The following SLAMF1 variants were observed in gnomAD, a reference collection of about 807,000 sequenced individuals.
SLAMF1 encodes signaling lymphocytic activation molecule.
Under a neutral mutation model 35.1 loss-of-function variants are expected in SLAMF1, and 18 were observed. That is an observed-to-expected ratio of 0.51 (90% CI 0.35 to 0.76). The LOEUF is 0.76. SLAMF1 is among the 30% of genes least tolerant of loss of function. SLAMF1 has a pLI of 0.01. For missense variants in SLAMF1, 392 were observed against 413.0 expected, an observed-to-expected ratio of 0.95 and a Z score of 0.44; for synonymous variants, 168 against 157.2, an observed-to-expected ratio of 1.07 and a Z score of -0.51.
chr1:160,610,796 T>G lies in SLAMF1; in HGVS notation c.960A>C (p.Glu320Asp). 1 of 1,611,324 alleles carries G rather than the reference T, an allele frequency of 6.2e-7. No homozygotes were observed. The change falls in exon 7 of 7, where the codon GAA becomes GAC. Residue 320 changes from glutamate to aspartate, a missense_variant and splice_region_variant. By Grantham distance (45) the Glu-to-Asp change is conservative. Coordinates refer to ENST00000302035, the MANE Select transcript of SLAMF1 (RefSeq NM_003037.5). ...TAGCATAGACTGTGATGGAATTTGT[T>G]TCCTGGGGACAAAGCAGAAGTCTGT... ...ATEPVPESVQ[E>D]TNSITVYASV...
chr1:160,642,646 A>G lies in SLAMF1; in HGVS notation c.76+4224T>C, dbSNP rs1357671345. On this transcript the variant is annotated intron_variant, in intron 1 of 6. Coordinates refer to ENST00000302035, the MANE Select transcript of SLAMF1 (RefSeq NM_003037.5). The surrounding 1 kb of genome is among the most constrained non-coding windows in gnomAD (Gnocchi z 4.2). Reference sequence around the variant, plus strand: ...ATGAATGAAAAATGAGCAAATGACAACACAGAGTCCAAGTTCTCCTCCCTC... The same window carrying G: ...ATGAATGAAAAATGAGCAAATGACAGCACAGAGTCCAAGTTCTCCTCCCTC... 6.6e-6 allele frequency among the ~76,000 whole-genome samples: 1 copy of G among 152,210 alleles called. No homozygotes were observed. The highest frequency in any genetic ancestry group is 1.5e-5 in the Non-Finnish European group (1 of 68,014).
At chr1:160,636,719 T>A (rs1660471669) in intron 2 of SLAMF1, among the ~76,000 whole-genome samples, 1 of 152,206 alleles carries the variant, frequency 6.6e-6, no homozygotes, top group Non-Finnish European at 1.5e-5. Context: ...ATTTTAGCCA[T>A]CTTTATCCAG....
At chr1:160,646,474 G>A (rs1661045012) in intron 1 of SLAMF1, among the ~76,000 whole-genome samples, 1 of 152,206 alleles carries the variant, frequency 6.6e-6, no homozygotes, top group Admixed American at 6.5e-5. Flanking sequence ...CAGGGATGTA[G>A]GGCAAATCTT....
chr1:160,625,350 T>A (rs1659822405), intron 3 of SLAMF1, among the ~76,000 whole-genome samples: 1 of 152,168 alleles, frequency 6.6e-6, no homozygotes, highest in South Asian at 2.1e-4. Flanking sequence ...GAGGAATTTG[T>A]GGGGCAGAAA....
intron 3 of SLAMF1, among the ~76,000 whole-genome samples, chr1:160,629,106 C>T (rs1319558761): frequency 6.6e-6 from 1 of 152,176 alleles, no homozygotes; most frequent in Non-Finnish European, 1.5e-5. Flanking sequence ...CTCTTAGAGG[C>T]GGCCGAGCAG....
intron 5 of SLAMF1, among the ~76,000 whole-genome samples, chr1:160,617,456 C>G (rs1659365584): frequency 6.6e-6 from 1 of 152,022 alleles, no homozygotes; most frequent in African/African-American, 2.4e-5. Flanking sequence ...TAAATAAACT[C>G]TAGTATATTC....
At chr1:160,618,081 A>G (rs2102278623) in intron 5 of SLAMF1, among the ~76,000 whole-genome samples, 1 of 152,250 alleles carries the variant, frequency 6.6e-6, no homozygotes, top group Middle Eastern at 3.4e-3. Context: ...AAAAAACAAA[A>G]AACAAAAAAC....
intron 2 of SLAMF1, among the ~76,000 whole-genome samples, chr1:160,636,696 G>A (rs1660470266): frequency 6.6e-6 from 1 of 152,212 alleles, no homozygotes; most frequent in Non-Finnish European, 1.5e-5. Flanking sequence ...TTAACAAGTG[G>A]TGTGTGGGCT....
intron 5 of SLAMF1, among the ~76,000 whole-genome samples, chr1:160,618,749 T>TA (rs933609439): frequency 3.3e-5 from 5 of 152,048 alleles, no homozygotes; most frequent in Non-Finnish European, 2.9e-5. Context: ...TGCTTCACAG[T>TA]AAAAAAGAGG....
At position 160,619,847 on chromosome 1, in the gene SLAMF1, T is replaced by C. The variant is rs766339910; in HGVS notation, c.793A>G (p.Lys265Glu). ...ACTGTTGTCTGGTAATGGTTCGTTT[T>C]ACCTGGTGAAAAGAAACCATAATGG... ...VVILQLRRRG[K>E]TNHYQTTVEK... Residue 265 changes from lysine to glutamate, a missense_variant and splice_region_variant, in exon 5 of 7, where the codon AAA (lysine) becomes GAA (glutamate). By Grantham distance (56) the Lys-to-Glu change is moderately conservative (BLOSUM62 1). Coordinates refer to ENST00000302035, the MANE Select transcript of SLAMF1 (RefSeq NM_003037.5). 2 of 1,609,236 alleles carry C rather than the reference T, an allele frequency of 1.2e-6. No individual in the cohort carries two copies. Among genetic ancestry groups the C allele is most frequent in the Admixed American group, 3.3e-5 (2 of 60,016 alleles).
intron 4 of SLAMF1, 26 bp from the exon 5 acceptor site, chr1:160,619,875 A>G: frequency 6.6e-7 from 1 of 1,506,708 alleles, no homozygotes. Context: ...CATAATGGTT[A>G]TCTCCCTCTG....
intron 1 of SLAMF1, among the ~76,000 whole-genome samples, chr1:160,645,879 T>C (rs994150614): frequency 2.6e-5 from 4 of 152,058 alleles, no homozygotes; most frequent in Non-Finnish European, 5.9e-5. Flanking sequence ...AAGTCCATAT[T>C]GGATTTGCGG....
At chr1:160,641,158 G>A (rs2102360253) in intron 1 of SLAMF1, among the ~76,000 whole-genome samples, 1 of 152,258 alleles carries the variant, frequency 6.6e-6, no homozygotes. Flanking sequence ...GTATAGATGA[G>A]CGTATACATA....
At chr1:160,632,332 G>A (rs534533451) in intron 3 of SLAMF1, among the ~76,000 whole-genome samples, 1 of 152,192 alleles carries the variant, frequency 6.6e-6, no homozygotes, top group African/African-American at 2.4e-5. Context: ...GGAACGGCTG[G>A]ACAGTTCTCT....
chr1:160,614,303 T>G (rs1367186804), intron 5 of SLAMF1, among the ~76,000 whole-genome samples: 1 of 152,094 alleles, frequency 6.6e-6, no homozygotes, highest in Non-Finnish European at 1.5e-5. Context: ...TGGCCGGGCG[T>G]GGTGGCTCAC....
Position 160,625,824 on chromosome 1 carries a change from A to AGTGTGTGT in SLAMF1, c.701-1647_701-1640dup, listed in dbSNP as rs3223445. Among the ~76,000 whole-genome samples the AGTGTGTGT allele has an allele frequency of 1.1e-4, 16 of 145,276 alleles. 1 individual carries two copies. The highest frequency in any genetic ancestry group is 6.1e-4 in the East Asian group (3 of 4,892). ...GGTCACTGAGAACCCTCTGTGCAGG[A>AGTGTGTGT]GTGTGTGTGTGTGTGTGTGTGTGTG... is the stretch of plus-strand genomic sequence containing the variant. On this transcript the variant is annotated intron_variant, in intron 3 of 6. Transcript: ENST00000302035.
intron 4 of SLAMF1, chr1:160,623,380 A>G (rs970715674): frequency 1.5e-5 from 6 of 394,052 alleles, no homozygotes; most frequent in Admixed American, 4.4e-5. Flanking sequence ...ATATATGCAA[A>G]ACCAACATCA....
rs1322680933 is a variant in SLAMF1 at position 160,608,196 on chromosome 1, C to G, written c.*2552G>C. On this transcript the variant is annotated 3_prime_UTR_variant, in exon 7 of 7. Coordinates refer to ENST00000302035, the MANE Select transcript of SLAMF1 (RefSeq NM_003037.5). ...GAATCAATTCACAGTGGCTTCTCAGCCAGCACACACCACCCGCTGTAACAA... is the reference window on the plus strand; with the variant it reads ...GAATCAATTCACAGTGGCTTCTCAGGCAGCACACACCACCCGCTGTAACAA... 1 of 152,186 alleles carries G rather than the reference C, an allele frequency of 6.6e-6. No individual in the cohort carries two copies. Among genetic ancestry groups the G allele is most frequent in the Non-Finnish European group, 1.5e-5 (1 of 68,038 alleles). 9.4% of individuals were successfully genotyped at this position (152,186 alleles called of 1,614,324 possible).
At position 160,645,240 on chromosome 1, in the gene SLAMF1, T is replaced by C. The variant is rs371280276; in HGVS notation, c.76+1630A>G. On this transcript the variant is annotated intron_variant, in intron 1 of 6. Transcript: ENST00000302035. The stretch of plus-strand genomic sequence containing the variant: ...CCAGTTTTACAAGAATCAAGCTTCT[T>C]GCTTGGGCAAATCTGTCATGACTAA... Among the ~76,000 whole-genome samples, 282 of 152,360 alleles carry C rather than the reference T, an allele frequency of 1.9e-3. 1 individual carries two copies. Among genetic ancestry groups the C allele is most frequent in the Middle Eastern group, 6.8e-3 (2 of 294 alleles).
Sources: allele counts gnomAD v4.1 joint callset (sites outside exome capture counted in the v4.1 genomes callset), GRCh38; gene constraint gnomAD v4.1.1; non-coding constraint Gnocchi (gnomAD v3.1); transcripts MANE v1.5; gene names NCBI Gene and HGNC (gene_info 2026-07-23, HGNC 2026-07-21).